The following DAP variants were observed in gnomAD, a reference collection of about 807,000 sequenced individuals.
DAP encodes death-associated protein 1.
A neutral mutation model predicts 13.8 loss-of-function variants in DAP; 8 were observed. The ratio of observed to expected loss-of-function variants is 0.58; its 90% CI spans 0.34 to 1.05. The LOEUF (loss-of-function observed/expected upper bound fraction) is 1.05, where lower values mean the gene tolerates loss of function less well. DAP is among the 50% of genes least tolerant of loss of function. The pLI, the probability that DAP is intolerant of heterozygous loss-of-function variation, is 0.03. For missense variants in DAP, 106 were observed against 133.2 expected, an observed-to-expected ratio of 0.80 and a Z score of 1.01; for synonymous variants, 47 against 47.5, an observed-to-expected ratio of 0.99 and a Z score of 0.04.
chr5:10,725,500 C>T (rs936182470), intron 2 of DAP, among the ~76,000 whole-genome samples: 12 of 152,304 alleles, frequency 7.9e-5, no homozygotes, highest in Admixed American at 6.5e-4. Flanking sequence ...AAGCCGGTGC[C>T]GCTGCAGAGC....
intron 2 of DAP, among the ~76,000 whole-genome samples, chr5:10,708,104 G>T (rs912684879): frequency 2.0e-5 from 3 of 152,180 alleles, no homozygotes; most frequent in Admixed American, 6.5e-5. Flanking sequence ...TCAGAGCAGA[G>T]AAATAACTTG....
intron 2 of DAP, among the ~76,000 whole-genome samples, chr5:10,721,055 C>A (rs940253848): frequency 2.0e-5 from 3 of 152,224 alleles, no homozygotes; most frequent in African/African-American, 7.2e-5. Flanking sequence ...CCTGAAGCAG[C>A]TGGATTGATA....
chr5:10,742,364 C>T (rs1739780415), intron 2 of DAP, among the ~76,000 whole-genome samples: 1 of 152,076 alleles, frequency 6.6e-6, no homozygotes, highest in Non-Finnish European at 1.5e-5. Context: ...GAAACCCCGT[C>T]TCTACTAAAA....
chr5:10,691,927 A>C (rs1738318503), intron 2 of DAP, among the ~76,000 whole-genome samples: 1 of 152,240 alleles, frequency 6.6e-6, no homozygotes, highest in Non-Finnish European at 1.5e-5. Flanking sequence ...TGTCCTTAAC[A>C]AAAGTTTGCT....
intron 2 of DAP, among the ~76,000 whole-genome samples, chr5:10,690,032 T>G (rs1033795637): frequency 6.6e-6 from 1 of 152,182 alleles, no homozygotes; most frequent in African/African-American, 2.4e-5. Flanking sequence ...TGTTTGGCAC[T>G]GGTAAGAAAT....
intron 2 of DAP, among the ~76,000 whole-genome samples, chr5:10,737,990 G>A (rs1314353420): frequency 1.3e-5 from 2 of 152,238 alleles, no homozygotes; most frequent in Admixed American, 1.3e-4. Context: ...GCACAGGACT[G>A]GAGTGATGCA....
rs184384022 is a variant in DAP at position 10,695,259 on chromosome 5, G to A, written c.153-11688C>T. Among the ~76,000 whole-genome samples the A allele has an allele frequency of 2.0e-3, 304 of 152,272 alleles. 1 individual carries two copies. Among genetic ancestry groups the A allele is most frequent in the African/African-American group, 6.9e-3 (288 of 41,556 alleles). ...ATGGCACTGCTGGTCCTCTCAGCCC[G>A]CGAACGCTCCGGCCAGCTCAGCCAC... is the stretch of plus-strand genomic sequence containing the variant. On this transcript the variant is annotated intron_variant, in intron 2 of 3. Coordinates refer to ENST00000230895, the MANE Select transcript of DAP (RefSeq NM_004394.3).
chr5:10,747,253 T>C (rs1739929127), intron 2 of DAP, among the ~76,000 whole-genome samples: 1 of 152,200 alleles, frequency 6.6e-6, no homozygotes, highest in Non-Finnish European at 1.5e-5. Flanking sequence ...AGAGGTGTGT[T>C]AGTGGTGCCT....
chr5:10,719,142 T>C (rs1739069942), intron 2 of DAP, among the ~76,000 whole-genome samples: 1 of 152,258 alleles, frequency 6.6e-6, no homozygotes, highest in South Asian at 2.1e-4. Flanking sequence ...GACAAGTTGC[T>C]GCATTTGGCC....
intron 2 of DAP, among the ~76,000 whole-genome samples, chr5:10,726,760 A>AGT (rs10553933): frequency 1.2e-4 from 18 of 151,800 alleles, no homozygotes; most frequent in African/African-American, 3.2e-4. Context: ...TGTGTGGAAA[A>AGT]GTGTGTGTGT....
chr5:10,717,214 A>G (rs1004082678), intron 2 of DAP, among the ~76,000 whole-genome samples: 5 of 152,230 alleles, frequency 3.3e-5, no homozygotes, highest in African/African-American at 1.2e-4. Context: ...AGAAGCAGAT[A>G]CTGAACCTCA....
chr5:10,688,326 C>T (rs1232342740), intron 2 of DAP, among the ~76,000 whole-genome samples: 1 of 152,198 alleles, frequency 6.6e-6, no homozygotes, highest in Non-Finnish European at 1.5e-5. Flanking sequence ...AACAAAAAGA[C>T]TGAGCCTCAC....
intron 2 of DAP, among the ~76,000 whole-genome samples, chr5:10,745,533 C>T (rs1579819292): frequency 6.6e-6 from 1 of 152,110 alleles, no homozygotes; most frequent in Non-Finnish European, 1.5e-5. Context: ...CTGGGGTGCT[C>T]GATCTTTCCT....
At chr5:10,694,704 G>A (rs888574171) in intron 2 of DAP, among the ~76,000 whole-genome samples, 13 of 152,360 alleles carry the variant, frequency 8.5e-5, no homozygotes, top group South Asian at 4.1e-4. Flanking sequence ...TGCAGTGGGA[G>A]GACAGGGTAC....
intron 2 of DAP, among the ~76,000 whole-genome samples, chr5:10,742,924 A>ACCTACCAT (rs1554002683): frequency 3.7e-4 from 49 of 134,188 alleles, no homozygotes; most frequent in African/African-American, 1.3e-3. Flanking sequence ...GTTTGTATCT[A>ACCTACCAT]CCATCCATCC....
intron 1 of DAP, among the ~76,000 whole-genome samples, chr5:10,758,310 C>A (rs1235851144): frequency 1.3e-5 from 2 of 151,700 alleles, no homozygotes; most frequent in Non-Finnish European, 2.9e-5. Context: ...AAAAGGTTCA[C>A]ACATGGTCCT....
intron 2 of DAP, among the ~76,000 whole-genome samples, chr5:10,715,103 A>T (rs891607818): frequency 2.0e-5 from 3 of 152,150 alleles, no homozygotes; most frequent in African/African-American, 7.2e-5. Context: ...TTGTGCCACA[A>T]ATGTGACTTA....
rs938880451 is a variant in DAP at position 10,718,741 on chromosome 5, A to G, written c.152+29434T>C. On this transcript the variant is annotated intron_variant, in intron 2 of 3. Transcript: ENST00000230895. ...ATCTCCTGGTACCTGGTATGCAGCC[A>G]TTGACTTGGCAAATGCCTTTTTCTC... is the stretch of plus-strand genomic sequence containing the variant. Among the ~76,000 whole-genome samples the G allele has an allele frequency of 3.3e-5, 5 of 152,246 alleles. No individual in the cohort carries two copies. In the South Asian group the frequency reaches 1.0e-3, roughly 32 times the overall value.
Position 10,680,216 on chromosome 5 carries a change from G to A in DAP, c.*840C>T, listed in dbSNP as rs1737946416. ...GGTCTTTCCAAGCTTTCAACTCTCT[G>A]GCTCAAGTGTCCCAGAATGAACTAG... On this transcript the variant is annotated 3_prime_UTR_variant, in exon 4 of 4. Transcript: ENST00000230895. The A allele has an allele frequency of 6.4e-6, 1 of 157,350 alleles. No homozygotes were observed. Among genetic ancestry groups the A allele is most frequent in the African/African-American group, 2.4e-5 (1 of 41,486 alleles). The allele number at this position is 157,350 out of a possible 1,614,324, so 9.7% of individuals were successfully genotyped here. A position where few individuals can be genotyped will look rare whatever the true frequency, so the allele number is the denominator to read the frequency against.
Sources: allele counts gnomAD v4.1 joint callset (sites outside exome capture counted in the v4.1 genomes callset), GRCh38; gene constraint gnomAD v4.1.1; transcripts MANE v1.5; gene names NCBI Gene and HGNC (gene_info 2026-07-23, HGNC 2026-07-21).